CACNA2D2: variants seen among roughly 807,000 people sequenced by gnomAD.
The protein encoded by CACNA2D2 is voltage-dependent calcium channel subunit alpha-2/delta-2.
A neutral mutation model predicts 166.4 loss-of-function variants in CACNA2D2; 48 were observed. That is an observed-to-expected ratio of 0.29 (90% confidence interval 0.23 to 0.37). The LOEUF (loss-of-function observed/expected upper bound fraction) is 0.37. CACNA2D2 is among the 10% of genes least tolerant of loss of function. CACNA2D2 has a pLI of 1.00. For synonymous variants in CACNA2D2, 561 were observed against 573.7 expected (o/e 0.98, Z 0.32); for missense variants, 1,122 against 1,433.0 (o/e 0.78, Z 3.50).
At chr3:50,418,165 C>T (rs183789054) in intron 3 of CACNA2D2, among the ~76,000 whole-genome samples, 9 of 152,282 alleles carry the variant, frequency 5.9e-5, no homozygotes, top group Non-Finnish European at 8.8e-5. Flanking sequence ...ACCCCCACCT[C>T]GCCATCTGCA....
At chr3:50,412,023 C>T (rs1575647912) in intron 3 of CACNA2D2, among the ~76,000 whole-genome samples, 1 of 152,342 alleles carries the variant, frequency 6.6e-6, no homozygotes, top group East Asian at 1.9e-4. Flanking sequence ...CTGGTTAGAA[C>T]ACAAAACACT....
intron 22 of CACNA2D2, among the ~76,000 whole-genome samples, chr3:50,374,405 G>GGGGAGGGGAGGGGGAAT (rs1704859904): frequency 7.1e-6 from 1 of 140,178 alleles, no homozygotes; most frequent in Non-Finnish European, 1.6e-5. Context: ...GGAGGGGGAA[G>GGGGAGGGGAGGGGGAAT]GTAAGGGGAG....
intron 3 of CACNA2D2, among the ~76,000 whole-genome samples, chr3:50,401,067 T>C (rs1325052611): frequency 6.6e-6 from 1 of 152,130 alleles, no homozygotes. Flanking sequence ...CAAAAAACAC[T>C]GAAACCCCAG....
chr3:50,417,157 T>C (rs552164772), intron 3 of CACNA2D2, among the ~76,000 whole-genome samples: 1 of 152,100 alleles, frequency 6.6e-6, no homozygotes, highest in Admixed American at 6.5e-5. Flanking sequence ...AGCTCTCCCT[T>C]CTCCTCCCAC....
chr3:50,479,655 G>A (rs1381569940), intron 1 of CACNA2D2, among the ~76,000 whole-genome samples: 2 of 152,312 alleles, frequency 1.3e-5, no homozygotes, highest in Admixed American at 1.3e-4. Context: ...CCCTGGCCAG[G>A]GAATCGTACT....
At chr3:50,422,424 C>T (rs533637960) in intron 3 of CACNA2D2, among the ~76,000 whole-genome samples, 22 of 152,338 alleles carry the variant, frequency 1.4e-4, no homozygotes, top group African/African-American at 5.1e-4. Context: ...CCTCTAGCCT[C>T]AGCCTCAATG....
chr3:50,497,578 C>T (rs1004373449), intron 1 of CACNA2D2, among the ~76,000 whole-genome samples: 2 of 152,188 alleles, frequency 1.3e-5, no homozygotes, highest in Non-Finnish European at 2.9e-5. Flanking sequence ...CCGGGGACAC[C>T]AAGCCAACAG....
chr3:50,385,533 C>T (rs587716577), intron 5 of CACNA2D2, among the ~76,000 whole-genome samples: 16 of 152,374 alleles, frequency 1.1e-4, no homozygotes, highest in African/African-American at 3.4e-4. Flanking sequence ...CGTGCCTCTC[C>T]ACCCAGCCAG....
intron 1 of CACNA2D2, among the ~76,000 whole-genome samples, chr3:50,502,483 G>A (rs966772900): frequency 1.3e-5 from 2 of 152,252 alleles, no homozygotes; most frequent in Non-Finnish European, 2.9e-5. Context: ...AGGCTCAGAA[G>A]GACCAAAAAA....
chr3:50,446,071 C>T (rs1298556821), intron 2 of CACNA2D2, among the ~76,000 whole-genome samples: 1 of 152,198 alleles, frequency 6.6e-6, no homozygotes, highest in Non-Finnish European at 1.5e-5. Flanking sequence ...ACTGATGGCC[C>T]GGCCACACTG....
At chr3:50,463,409 C>T (rs946155391) in intron 2 of CACNA2D2, among the ~76,000 whole-genome samples, 1 of 152,146 alleles carries the variant, frequency 6.6e-6, no homozygotes, top group Non-Finnish European at 1.5e-5. Flanking sequence ...CGCAATCCTT[C>T]CACCTCAGCC....
Position 50,414,151 on chromosome 3 carries a change from T to G in CACNA2D2, c.406-19983A>C, listed in dbSNP as rs183569559. Among the ~76,000 whole-genome samples, 556 of 152,214 alleles carry G rather than the reference T, an allele frequency of 3.7e-3. 7 individuals are homozygous for G. The highest frequency in any genetic ancestry group is 0.013 in the African/African-American group (520 of 41,520). ...CAGCTACAGACATCTCATTCACAGA[T>G]GCATGCAGTCACGCCAGGCAGCTCT... On this transcript the variant is annotated intron_variant, in intron 3 of 37. Transcript: ENST00000424201.
intron 2 of CACNA2D2, among the ~76,000 whole-genome samples, chr3:50,471,734 G>A (rs780602244): frequency 1.4e-4 from 18 of 129,106 alleles, no homozygotes; most frequent in Non-Finnish European, 2.1e-4. Context: ...TGAGCCCCTC[G>A]AGAAAGTGGC....
intron 2 of CACNA2D2, among the ~76,000 whole-genome samples, chr3:50,463,745 C>T (rs1337971502): frequency 6.6e-6 from 1 of 152,264 alleles, no homozygotes; most frequent in East Asian, 1.9e-4. Flanking sequence ...CACAAACCAG[C>T]AAGCCCTCAA....
Position 50,377,715 on chromosome 3 carries a change from C to T in CACNA2D2, c.1551+17G>A. 6.2e-7 allele frequency: 1 copy of T among 1,607,414 alleles called. No individual in the cohort carries two copies. Among genetic ancestry groups the T allele is most frequent in the Non-Finnish European group, 8.5e-7 (1 of 1,176,142 alleles). ...TCCCCAGGCACACCCATAGCCCCAA[C>T]CCTCCCCTTTCCTCACCTTCTTTTC... On this transcript the variant is annotated intron_variant, in intron 16 of 37. Coordinates refer to ENST00000424201, the MANE Select transcript of CACNA2D2 (RefSeq NM_006030.4).
intron 5 of CACNA2D2, among the ~76,000 whole-genome samples, chr3:50,384,996 C>T (rs1009628322): frequency 2.0e-5 from 3 of 152,176 alleles, no homozygotes; most frequent in Non-Finnish European, 4.4e-5. Context: ...ACTGAAAGGG[C>T]CCCTGTTGAT....
chr3:50,484,532 G>A (rs1191584733), intron 1 of CACNA2D2, among the ~76,000 whole-genome samples: 1 of 152,028 alleles, frequency 6.6e-6, no homozygotes, highest in Non-Finnish European at 1.5e-5. Flanking sequence ...CACAGGCTTC[G>A]GCACATGCTG....
intron 21 of CACNA2D2, 35 bp from the exon 22 acceptor site, chr3:50,374,848 G>T: frequency 6.6e-7 from 1 of 1,521,820 alleles, no homozygotes; most frequent in African/African-American, 1.4e-5. Context: ...CGGCTGGGGG[G>T]AGGCGGGCCA....
chr3:50,373,056 T>A (rs1704745179), intron 22 of CACNA2D2: 1 of 1,534,156 alleles, frequency 6.5e-7, no homozygotes, highest in African/African-American at 1.4e-5. Flanking sequence ...TGGTTCTGAA[T>A]ATACTTGCCC....
Sources: allele counts gnomAD v4.1 joint callset (sites outside exome capture counted in the v4.1 genomes callset), GRCh38; gene constraint gnomAD v4.1.1; transcripts MANE v1.5; gene names NCBI Gene and HGNC (gene_info 2026-07-23, HGNC 2026-07-21).